ARHGEF10L: variants seen among roughly 807,000 people sequenced by gnomAD.
The protein encoded by ARHGEF10L is Rho guanine nucleotide exchange factor 10 like.
ARHGEF10L carries 69 observed loss-of-function variants against 141.2 expected under a neutral mutation model. That is an observed-to-expected ratio of 0.49 (90% CI 0.40 to 0.60). ARHGEF10L has a LOEUF of 0.60. Among genes scored for constraint, ARHGEF10L ranks in the 20% least tolerant of loss-of-function variants. ARHGEF10L has a pLI of 0.00. For synonymous variants in ARHGEF10L, 711 were observed against 718.5 expected (o/e 0.99, Z 0.17); for missense variants, 1,482 against 1,734.3 (o/e 0.85, Z 2.58).
chr1:17,688,325 T>C (rs1195740641), intron 27 of ARHGEF10L, among the ~76,000 whole-genome samples: 2 of 152,134 alleles, frequency 1.3e-5, no homozygotes, highest in Admixed American at 6.6e-5. Context: ...GGCGAAGGAT[T>C]AAGGCTGGAG....
chr1:17,615,220 G>A lies in ARHGEF10L; in HGVS notation c.727-874G>A, dbSNP rs893537451. The A allele has an allele frequency of 1.3e-5, 2 of 152,346 alleles. No individual in the cohort carries two copies. The highest frequency in any genetic ancestry group is 6.5e-5 in the Admixed American group (1 of 15,292). The allele number at this position is 152,346 out of a possible 1,614,324, so 9.4% of individuals were successfully genotyped here. On this transcript the variant is annotated intron_variant, in intron 8 of 28. Coordinates refer to ENST00000361221, the MANE Select transcript of ARHGEF10L (RefSeq NM_018125.4). The surrounding 1 kb of genome is among the most constrained non-coding windows in gnomAD (Gnocchi z 4.7). The stretch of plus-strand genomic sequence containing the variant: ...ATTGCAGAGCCTTCTCTTTGCTGGT[G>A]CTGCTGTATGCTGGAGAAGATGCGG...
At chr1:17,580,381 G>A (rs1444145201) in intron 1 of ARHGEF10L, among the ~76,000 whole-genome samples, 172 bp from the exon 2 acceptor site, 1 of 152,228 alleles carries the variant, frequency 6.6e-6, no homozygotes, top group Non-Finnish European at 1.5e-5. Context: ...AGCTGCTGAT[G>A]TTTCTATGGG....
rs554087145 is a variant in ARHGEF10L, at chr1:17,607,391, C to T, written c.434-411C>T. Among the ~76,000 whole-genome samples, 11 of 152,194 alleles carry T rather than the reference C, an allele frequency of 7.2e-5. No individual in the cohort carries two copies. Among genetic ancestry groups the T allele is most frequent in the Non-Finnish European group, 1.3e-4 (9 of 68,044 alleles). ...CTGGGAAGCTGAGATAGGAGGATCT[C>T]TTGAGCCCAGGAGTTTGAGGCCACA... On this transcript the variant is annotated intron_variant, in intron 6 of 28. Coordinates refer to ENST00000361221, the MANE Select transcript of ARHGEF10L (RefSeq NM_018125.4). The surrounding 1 kb of genome is among the most constrained non-coding windows in gnomAD (Gnocchi z 4.5).
chr1:17,619,192 C>T lies in ARHGEF10L; in HGVS notation c.836-147C>T, dbSNP rs530080198. On this transcript the variant is annotated intron_variant, in intron 9 of 28. Coordinates refer to ENST00000361221, the MANE Select transcript of ARHGEF10L (RefSeq NM_018125.4). The surrounding 1 kb of genome is among the most constrained non-coding windows in gnomAD (Gnocchi z 5.0). ...GAACTCCTGAGAAGGAGCTACCGGG[C>T]GGCTCTAACCCCACGGGGCCCCAGG... is the stretch of plus-strand genomic sequence containing the variant. 74 of 650,902 alleles carry T rather than the reference C, an allele frequency of 1.1e-4. No individual in the cohort carries two copies. In the South Asian group the frequency reaches 1.1e-3, roughly 10 times the overall value. 40.3% of individuals were successfully genotyped at this position (650,902 alleles called of 1,614,324 possible). A position where few individuals can be genotyped will look rare whatever the true frequency, so the allele number is the denominator to read the frequency against.
At chr1:17,608,454 GC>G (rs1227459303) in intron 7 of ARHGEF10L, among the ~76,000 whole-genome samples, 5 of 152,362 alleles carry the variant, frequency 3.3e-5, no homozygotes, top group African/African-American at 1.2e-4. Context: ...GAGAGTGGGG[GC>G]TGCTGTGGCT....
chr1:17,636,043 T>G (rs1481723092), intron 18 of ARHGEF10L, among the ~76,000 whole-genome samples: 1 of 152,214 alleles, frequency 6.6e-6, no homozygotes, highest in Non-Finnish European at 1.5e-5. Flanking sequence ...TCCTCAGCTC[T>G]GCTGGGTAGG....
rs576912833 is a variant in ARHGEF10L at position 17,679,941 on chromosome 1, C to T, written c.3010-7632C>T. Among the ~76,000 whole-genome samples, 23 of 152,252 alleles carry T rather than the reference C, an allele frequency of 1.5e-4. 1 individual carries two copies. In the East Asian group the frequency reaches 2.1e-3, roughly 14 times the overall value. ...AGGGCCAGCTCGGTGGTGACTGGGC[C>T]GGGAATGGGTGGCACAGCCCCTTCA... On this transcript the variant is annotated intron_variant, in intron 26 of 28. Coordinates refer to ENST00000361221, the MANE Select transcript of ARHGEF10L (RefSeq NM_018125.4).
intron 3 of ARHGEF10L, among the ~76,000 whole-genome samples, 153 bp downstream of exon 3, chr1:17,587,798 G>C (rs1314335705): frequency 3.3e-5 from 5 of 152,272 alleles, no homozygotes; most frequent in Admixed American, 2.0e-4. Flanking sequence ...GCAGTCTGTG[G>C]CTTCCCTGGT....
At chr1:17,669,336 C>T (rs1224283573) in intron 26 of ARHGEF10L, among the ~76,000 whole-genome samples, 1 of 152,188 alleles carries the variant, frequency 6.6e-6, no homozygotes, top group Non-Finnish European at 1.5e-5. Flanking sequence ...CTCCCACCCT[C>T]GGGAAGTAAA....
chr1:17,517,311 T>C, the ARHGEF10L span, among the ~76,000 whole-genome samples: 2 of 152,282 alleles, frequency 1.3e-5, no homozygotes, highest in African/African-American at 2.4e-5. Context: ...TGAAATTATG[T>C]ATGGAGAGGT....
chr1:17,630,243 GT>G (rs1263994192), intron 15 of ARHGEF10L, among the ~76,000 whole-genome samples: 1 of 152,254 alleles, frequency 6.6e-6, no homozygotes, highest in African/African-American at 2.4e-5. Context: ...CATGCCAGCT[GT>G]TTCAAAATAG....
At chr1:17,582,543 C>T (rs560097642) in intron 2 of ARHGEF10L, among the ~76,000 whole-genome samples, 153 of 152,336 alleles carry the variant, frequency 1.0e-3, no homozygotes, top group African/African-American at 2.5e-3. Context: ...CATTCCTGCG[C>T]GTGTCTTCAG....
intron 1 of ARHGEF10L, among the ~76,000 whole-genome samples, chr1:17,578,336 G>A (rs572086452): frequency 2.6e-5 from 4 of 152,248 alleles, no homozygotes; most frequent in Non-Finnish European, 5.9e-5. Flanking sequence ...TTTCAGCGTG[G>A]GTCTAAAAGG....
intron 9 of ARHGEF10L, among the ~76,000 whole-genome samples, chr1:17,616,878 C>T (rs1471987383): frequency 6.6e-6 from 1 of 152,186 alleles, no homozygotes; most frequent in Non-Finnish European, 1.5e-5. Context: ...TGGGAAAGTA[C>T]GAGATGTTCC....
intron 26 of ARHGEF10L, among the ~76,000 whole-genome samples, chr1:17,675,928 T>G (rs1431364161): frequency 3.1e-5 from 3 of 98,258 alleles, no homozygotes; most frequent in Admixed American, 1.1e-4. Context: ...GGGTACAGGT[T>G]TGTGTGCAGT....
chr1:17,664,946 C>T (rs934362844), intron 26 of ARHGEF10L, among the ~76,000 whole-genome samples: 11 of 152,168 alleles, frequency 7.2e-5, no homozygotes, highest in African/African-American at 2.7e-4. Flanking sequence ...AGGGTGTGGC[C>T]AGGGTGGATG....
At chr1:17,634,207 C>T (rs895860198) in intron 16 of ARHGEF10L, 3 of 444,358 alleles carry the variant, frequency 6.8e-6, no homozygotes, top group African/African-American at 2.0e-5. Context: ...TCTCTGCCTT[C>T]ATGTTGCTCT....
At chr1:17,595,210 C>T (rs1235441267) in intron 4 of ARHGEF10L, among the ~76,000 whole-genome samples, 1 of 134,884 alleles carries the variant, frequency 7.4e-6, no homozygotes, top group East Asian at 2.2e-4. Flanking sequence ...CATGCTGTTT[C>T]GTGGCTCACC....
In ARHGEF10L at chr1:17,621,379, C is replaced by T. The variant is rs573286057; in HGVS notation, c.943-485C>T. Among the ~76,000 whole-genome samples the T allele has an allele frequency of 5.3e-5, 8 of 152,238 alleles. No individual in the cohort carries two copies. The highest frequency in any genetic ancestry group is 7.2e-5 in the African/African-American group (3 of 41,544). On this transcript the variant is annotated intron_variant, in intron 10 of 28. Coordinates refer to ENST00000361221, the MANE Select transcript of ARHGEF10L (RefSeq NM_018125.4). This position sits in a 1 kb window ranked among gnomAD's most constrained non-coding sequence, Gnocchi z 4.1. ...TCCAAAGTAGCTGGGACTATAGGCG[C>T]GTGCCACCACGCCCAGCTGATTTTT...
Sources: allele counts gnomAD v4.1 joint callset (sites outside exome capture counted in the v4.1 genomes callset), GRCh38; gene constraint gnomAD v4.1.1; non-coding constraint Gnocchi (gnomAD v3.1); transcripts MANE v1.5; gene names NCBI Gene and HGNC (gene_info 2026-07-23, HGNC 2026-07-21).